SV2C: variants seen among roughly 807,000 people sequenced by gnomAD.
SV2C encodes synaptic vesicle glycoprotein 2C.
A neutral mutation model predicts 79.7 loss-of-function variants in SV2C; 49 were observed. The observed-to-expected ratio is 0.61, with a 90% CI of 0.49 to 0.78. The LOEUF (loss-of-function observed/expected upper bound fraction) is 0.78. Ranked by LOEUF, SV2C falls within the 30% of genes least tolerant of loss-of-function variation. The probability of loss-of-function intolerance (pLI) is 0.00; values close to 1 mark genes in which losing one functional copy is unlikely to be tolerated. For missense variants in SV2C, 833 were observed against 912.9 expected (o/e 0.91, Z 1.13); for synonymous variants, 334 against 333.2 (o/e 1.00, Z -0.03).
chr5:76,171,541 C>T lies in SV2C; in HGVS notation c.581-23378C>T, dbSNP rs1344949505. 3.2e-4 allele frequency among the ~76,000 whole-genome samples: 45 copies of T among 141,470 alleles called. 1 individual carries two copies. The highest frequency in any genetic ancestry group is 8.6e-4 in the African/African-American group (34 of 39,582). 92.8% of individuals were successfully genotyped at this position (141,470 alleles called of 152,430 possible). ...CTGAGAAGTGAGGAGCCTCTCCGCC[C>T]GGCAGCCACCCCATCTGGGAAGTGA... is the stretch of plus-strand genomic sequence containing the variant. On this transcript the variant is annotated intron_variant, in intron 2 of 12. Transcript: ENST00000502798.
At chr5:76,299,762 G>A (rs749391299) in intron 10 of SV2C, among the ~76,000 whole-genome samples, 1 of 152,160 alleles carries the variant, frequency 6.6e-6, no homozygotes, top group Non-Finnish European at 1.5e-5. Context: ...CTATCTACCT[G>A]TCTTCTAACC....
At chr5:75,959,370 G>T in the SV2C span, among the ~76,000 whole-genome samples, 3 of 151,968 alleles carry the variant, frequency 2.0e-5, no homozygotes, top group Non-Finnish European at 2.9e-5. Context: ...GATCAGAATG[G>T]CCTCAAAGCT....
At chr5:75,938,363 G>T in the SV2C span, among the ~76,000 whole-genome samples, 1 of 152,176 alleles carries the variant, frequency 6.6e-6, no homozygotes, top group Admixed American at 6.5e-5. Flanking sequence ...GCTCATAGTG[G>T]TGCCATTCAT....
At chr5:76,141,378 C>G (rs35269465) in intron 2 of SV2C, among the ~76,000 whole-genome samples, 61,828 of 151,968 alleles carry the variant, frequency 0.41, 14,694 homozygotes, top group Non-Finnish European at 0.54. Context: ...CTAGAACACT[C>G]TAGGATGAGG....
At chr5:76,017,633 T>G in the SV2C span, among the ~76,000 whole-genome samples, 1 of 152,180 alleles carries the variant, frequency 6.6e-6, no homozygotes, top group African/African-American at 2.4e-5. Flanking sequence ...CTCCATAGTG[T>G]AGGTTAGCAT....
In SV2C at chr5:76,295,091, C is replaced by T. The variant is rs190850283; in HGVS notation, c.1338-687C>T. On this transcript the variant is annotated intron_variant, in intron 8 of 12. Transcript: ENST00000502798. ...TGGGGCCAGGATGTCAGATGTCTTA[C>T]TCCATTTCTGCTGCTATAACAAAAT... Among the ~76,000 whole-genome samples the T allele has an allele frequency of 2.2e-4, 33 of 152,296 alleles. No individual in the cohort carries two copies. The East Asian group carries it at 4.4e-3, about 20-fold the overall frequency.
intron 2 of SV2C, chr5:76,174,215 G>A (rs375196502): frequency 2.4e-4 from 378 of 1,602,738 alleles, no homozygotes; most frequent in Non-Finnish European, 2.8e-4. Context: ...AGTACTCTGC[G>A]AACCTCTCAC....
the SV2C span, among the ~76,000 whole-genome samples, chr5:76,076,508 T>C: frequency 1.3e-5 from 2 of 152,238 alleles, no homozygotes; most frequent in Non-Finnish European, 2.9e-5. Flanking sequence ...TTGTGTGTTG[T>C]TATTTTATGT....
chr5:75,978,143 T>TAGCAGAG, the SV2C span, among the ~76,000 whole-genome samples: 1 of 152,236 alleles, frequency 6.6e-6, no homozygotes, highest in Admixed American at 6.5e-5. Context: ...TATTGCTGCA[T>TAGCAGAG]AGCAGAGTCA....
the SV2C span, among the ~76,000 whole-genome samples, chr5:75,895,738 G>C: frequency 2.0e-5 from 3 of 152,082 alleles, no homozygotes; most frequent in African/African-American, 7.2e-5. Context: ...TTTCACTCCT[G>C]TCAAGGGTGA....
At chr5:75,984,567 A>ATCTATCTATATC in the SV2C span, among the ~76,000 whole-genome samples, 1,423 of 102,806 alleles carry the variant, frequency 0.014, 11 homozygotes, top group Middle Eastern at 0.027. Context: ...CTATCTATCT[A>ATCTATCTATATC]TATCTATCTA....
At chr5:75,982,015 A>T in the SV2C span, among the ~76,000 whole-genome samples, 501 of 144,210 alleles carry the variant, frequency 3.5e-3, 5 homozygotes, top group African/African-American at 0.012. Context: ...TCACTCATAG[A>T]TGGGAATTGA....
the SV2C span, among the ~76,000 whole-genome samples, chr5:75,850,309 C>T: frequency 2.0e-5 from 3 of 152,064 alleles, no homozygotes; most frequent in African/African-American, 4.8e-5. Context: ...ACACCGTTCC[C>T]GTGATTGGTG....
chr5:76,176,652 A>T (rs1743539001), intron 2 of SV2C, among the ~76,000 whole-genome samples: 1 of 152,210 alleles, frequency 6.6e-6, no homozygotes, highest in Non-Finnish European at 1.5e-5. Flanking sequence ...GATTGCCTGG[A>T]GAAGACTTGA....
chr5:76,273,220 T>C (rs899876518), intron 4 of SV2C, among the ~76,000 whole-genome samples: 1 of 150,332 alleles, frequency 6.7e-6, no homozygotes, highest in African/African-American at 2.4e-5. Context: ...TATACTATCA[T>C]AACATTAATA....
intron 4 of SV2C, among the ~76,000 whole-genome samples, chr5:76,223,001 A>G (rs1745114779): frequency 6.6e-6 from 1 of 152,150 alleles, no homozygotes; most frequent in African/African-American, 2.4e-5. Context: ...AGAGAGCAAC[A>G]CAGAGTTGGA....
the SV2C span, among the ~76,000 whole-genome samples, chr5:75,885,986 T>C: frequency 9.2e-5 from 14 of 152,148 alleles, no homozygotes; most frequent in East Asian, 1.6e-3. Context: ...CGTGGGGAGC[T>C]CTGAAGCCAG....
the SV2C span, among the ~76,000 whole-genome samples, chr5:75,961,148 A>C: frequency 6.6e-6 from 1 of 152,076 alleles, no homozygotes; most frequent in African/African-American, 2.4e-5. Context: ...TTTCATAAAA[A>C]CAAAATGATA....
chr5:76,300,104 C>T (rs1274262414), intron 10 of SV2C, among the ~76,000 whole-genome samples: 1 of 151,714 alleles, frequency 6.6e-6, no homozygotes, highest in Non-Finnish European at 1.5e-5. Flanking sequence ...GCTCTGTCAT[C>T]CAGGCTGGAG....
Sources: allele counts gnomAD v4.1 joint callset (sites outside exome capture counted in the v4.1 genomes callset), GRCh38; gene constraint gnomAD v4.1.1; transcripts MANE v1.5; gene names NCBI Gene and HGNC (gene_info 2026-07-23, HGNC 2026-07-21).